Variants in ADGRA3 observed in about 807,000 individuals in gnomAD.
The protein encoded by ADGRA3 is G-protein coupled receptor 125.
Under a neutral mutation model 119.8 loss-of-function variants are expected in ADGRA3, and 56 were observed. That is an observed-to-expected ratio of 0.47 (90% CI 0.38 to 0.58). The LOEUF (loss-of-function observed/expected upper bound fraction) is 0.58, where lower values mean the gene tolerates loss of function less well. ADGRA3 is among the 20% of genes least tolerant of loss of function. The pLI, the probability that ADGRA3 is intolerant of heterozygous loss-of-function variation, is 0.00. For missense variants in ADGRA3, 1,516 were observed against 1,649.0 expected (o/e 0.92, Z 1.40); for synonymous variants, 607 against 623.8 (o/e 0.97, Z 0.40).
At chr4:22,443,509 GAAT>G (rs764256189) in intron 6 of ADGRA3, among the ~76,000 whole-genome samples, 14 of 152,072 alleles carry the variant, frequency 9.2e-5, no homozygotes, top group Admixed American at 2.0e-4. Flanking sequence ...GTATCCTAAA[GAAT>G]AATAGAAAAT....
intron 1 of ADGRA3, among the ~76,000 whole-genome samples, chr4:22,483,410 T>C (rs1166552095): frequency 1.3e-5 from 2 of 152,186 alleles, no homozygotes; most frequent in African/African-American, 4.8e-5. Flanking sequence ...ATTAATGGCA[T>C]GCAGTGGTAC....
At chr4:22,398,208 G>A (rs1714450966) in intron 16 of ADGRA3, 3 of 875,152 alleles carry the variant, frequency 3.4e-6, no homozygotes, top group Non-Finnish European at 4.1e-6. Context: ...AGTGGTAACA[G>A]GTAACATTTA....
intron 12 of ADGRA3, among the ~76,000 whole-genome samples, chr4:22,417,892 G>A (rs1485674711): frequency 6.6e-6 from 1 of 152,128 alleles, no homozygotes; most frequent in African/African-American, 2.4e-5. Flanking sequence ...AAATTCATGA[G>A]ACTTCAGCTG....
At chr4:22,393,728 T>C (rs576973406) in intron 16 of ADGRA3, 1 of 152,194 alleles carries the variant, frequency 6.6e-6, no homozygotes, top group Non-Finnish European at 1.5e-5. Flanking sequence ...AATCACTATA[T>C]TATTACTTAT....
chr4:22,427,571 T>C (rs1715994424), intron 10 of ADGRA3, among the ~76,000 whole-genome samples: 2 of 152,154 alleles, frequency 1.3e-5, no homozygotes, highest in Admixed American at 1.3e-4. Context: ...TGGCTAAGAA[T>C]GGAGGAAAGG....
At chr4:22,495,862 T>A (rs1718803641) in intron 1 of ADGRA3, among the ~76,000 whole-genome samples, 1 of 150,800 alleles carries the variant, frequency 6.6e-6, no homozygotes, top group African/African-American at 2.4e-5. Context: ...TGAACAGAGA[T>A]CACGCCACTA....
intron 15 of ADGRA3, 55 bp downstream of exon 15, chr4:22,402,620 T>C (rs2109008494): frequency 6.4e-7 from 1 of 1,567,638 alleles, no homozygotes; most frequent in East Asian, 2.3e-5. Flanking sequence ...AAATGTGAAA[T>C]AAAGTCCTTC....
intron 14 of ADGRA3, among the ~76,000 whole-genome samples, chr4:22,406,423 A>G (rs1013871997): frequency 2.6e-5 from 4 of 152,132 alleles, no homozygotes; most frequent in Admixed American, 6.5e-5. Flanking sequence ...TTATTGTACT[A>G]ATTTACATTC....
intron 14 of ADGRA3, among the ~76,000 whole-genome samples, chr4:22,406,197 T>A (rs1714916236): frequency 6.6e-6 from 1 of 152,222 alleles, no homozygotes; most frequent in South Asian, 2.1e-4. Context: ...ATACCATATT[T>A]TCTTTACCCA....
chr4:22,511,047 C>T (rs1052799529), intron 1 of ADGRA3, among the ~76,000 whole-genome samples: 1 of 152,198 alleles, frequency 6.6e-6, no homozygotes, highest in African/African-American at 2.4e-5. Flanking sequence ...CAAAACTCTA[C>T]ACACTATTTT....
At chr4:22,479,177 T>A (rs1718160201) in intron 1 of ADGRA3, among the ~76,000 whole-genome samples, 1 of 151,994 alleles carries the variant, frequency 6.6e-6, no homozygotes, top group Non-Finnish European at 1.5e-5. Flanking sequence ...CATTAAAAAG[T>A]CAGGGGCTGG....
chr4:22,411,959 C>CA lies in ADGRA3; in HGVS notation c.2232+1222dup, dbSNP rs1372095939. 2.8e-4 allele frequency among the ~76,000 whole-genome samples: 41 copies of CA among 148,544 alleles called. 1 individual carries two copies. Among genetic ancestry groups the CA allele is most frequent in the Middle Eastern group, 3.4e-3 (1 of 290 alleles). On this transcript the variant is annotated intron_variant, in intron 14 of 18. Coordinates refer to ENST00000334304, the MANE Select transcript of ADGRA3 (RefSeq NM_145290.4). Reference sequence around the variant, plus strand: ...AGTTGAATTGAAACAACAACAACAACAAAAAAAAACATACAAGAGTCAAAG... The same window carrying CA: ...AGTTGAATTGAAACAACAACAACAACAAAAAAAAAACATACAAGAGTCAAAG...
In ADGRA3 at chr4:22,426,101, C is replaced by T. The variant is rs139976329; in HGVS notation, c.1444-1749G>A. The stretch of plus-strand genomic sequence containing the variant: ...CACTCAAAAAATGTTGGCGCTTTTA[C>T]TGTTTTAATCCCGAAATTGGCCTCT... On this transcript the variant is annotated intron_variant, in intron 10 of 18. Coordinates refer to ENST00000334304, the MANE Select transcript of ADGRA3 (RefSeq NM_145290.4). Among the ~76,000 whole-genome samples, 1,514 of 152,270 alleles carry T rather than the reference C, an allele frequency of 9.9e-3. 30 individuals carry two copies. The highest frequency in any genetic ancestry group is 0.035 in the African/African-American group (1,437 of 41,562).
At position 22,445,150 on chromosome 4, in the gene ADGRA3, C is replaced by CA. The variant is rs749856865; in HGVS notation, c.546-18dup. 1.9e-6 allele frequency: 3 copies of CA among 1,611,002 alleles called. No individual in the cohort carries two copies. The highest frequency in any genetic ancestry group is 2.2e-5 in the South Asian group (2 of 90,978). ...TGGAATTCCCTGTAACATGCAAATA[C>CA]AACTTAGAGATTATAGTGAATAAAA... On this transcript the variant is annotated splice_polypyrimidine_tract_variant and intron_variant, in intron 5 of 18. Transcript: ENST00000334304.
chr4:22,457,026 G>A (rs1717263241), intron 3 of ADGRA3, among the ~76,000 whole-genome samples: 1 of 152,092 alleles, frequency 6.6e-6, no homozygotes, highest in African/African-American at 2.4e-5. Flanking sequence ...GCATATCTAG[G>A]CTCTATTTAT....
At chr4:22,449,659 C>G (rs949384022) in intron 4 of ADGRA3, among the ~76,000 whole-genome samples, 1 of 151,908 alleles carries the variant, frequency 6.6e-6, no homozygotes, top group African/African-American at 2.4e-5. Flanking sequence ...CCAGCCTGGC[C>G]AACAGGTGAA....
intron 1 of ADGRA3, among the ~76,000 whole-genome samples, chr4:22,503,286 T>C (rs1408209145): frequency 6.6e-6 from 1 of 152,194 alleles, no homozygotes; most frequent in Non-Finnish European, 1.5e-5. Context: ...AGAAAGTTTA[T>C]CCATCTTAAA....
At chr4:22,410,210 T>C (rs548154309) in intron 14 of ADGRA3, among the ~76,000 whole-genome samples, 15 of 152,304 alleles carry the variant, frequency 9.8e-5, no homozygotes, top group Non-Finnish European at 1.8e-4. Flanking sequence ...TGTATATAAA[T>C]TAGCTTATCT....
chr4:22,470,909 C>A (rs1000587720), intron 2 of ADGRA3, among the ~76,000 whole-genome samples: 1 of 152,150 alleles, frequency 6.6e-6, no homozygotes, highest in African/African-American at 2.4e-5. Flanking sequence ...CACCTCAGGG[C>A]GGCCCCACCT....
Sources: allele counts gnomAD v4.1 joint callset (sites outside exome capture counted in the v4.1 genomes callset), GRCh38; gene constraint gnomAD v4.1.1; transcripts MANE v1.5; gene names NCBI Gene and HGNC (gene_info 2026-07-23, HGNC 2026-07-21).